Variants in LARGE1 observed in about 807,000 individuals in gnomAD.
LARGE1 encodes the protein LARGE xylosyl- and glucuronyltransferase 1, also known as xylosyl- and glucuronyltransferase LARGE1.
In LARGE1, 43 loss-of-function variants were observed where a neutral mutation model predicts 87.6. The observed-to-expected ratio is 0.49, with a 90% confidence interval of 0.38 to 0.63. The LOEUF is 0.63. Ranked by LOEUF, LARGE1 falls within the 30% of genes least tolerant of loss-of-function variation. LARGE1 has a pLI of 0.00. For synonymous variants in LARGE1, 434 were observed against 394.6 expected, an observed-to-expected ratio of 1.10 and a Z score of -1.18; for missense variants, 802 against 1,000.2, an observed-to-expected ratio of 0.80 and a Z score of 2.67.
intron 10 of LARGE1, among the ~76,000 whole-genome samples, chr22:33,334,495 G>C (rs1347490802): frequency 2.0e-5 from 3 of 152,056 alleles, no homozygotes; most frequent in Non-Finnish European, 4.4e-5. Flanking sequence ...TACTTTGTGT[G>C]GGGGTAGGGG....
At chr22:33,732,088 G>A (rs188599216) in intron 2 of LARGE1, among the ~76,000 whole-genome samples, 18 of 152,260 alleles carry the variant, frequency 1.2e-4, no homozygotes, top group African/African-American at 2.9e-4. Context: ...CAGGGCTTAC[G>A]GAAACAACAA....
At chr22:33,198,888 T>C (rs1259650916) in intron 11 of LARGE1, among the ~76,000 whole-genome samples, 2 of 152,162 alleles carry the variant, frequency 1.3e-5, no homozygotes, top group Non-Finnish European at 2.9e-5. Flanking sequence ...CTGAATTGAA[T>C]GATAGACTTT....
At chr22:33,496,075 T>A (rs1334236815) in intron 6 of LARGE1, among the ~76,000 whole-genome samples, 2 of 152,006 alleles carry the variant, frequency 1.3e-5, no homozygotes, top group Non-Finnish European at 2.9e-5. Flanking sequence ...CCAGTCCGAG[T>A]CCCAAAGCTG....
intron 6 of LARGE1, among the ~76,000 whole-genome samples, chr22:33,505,732 T>C (rs1298825958): frequency 6.6e-6 from 1 of 152,094 alleles, no homozygotes; most frequent in Non-Finnish European, 1.5e-5. Context: ...TTGGGTTAGG[T>C]GAGTGGCCAT....
chr22:33,484,840 G>T lies in LARGE1; in HGVS notation c.788-52575C>A, dbSNP rs544567888. 9.9e-5 allele frequency among the ~76,000 whole-genome samples: 15 copies of T among 151,364 alleles called. No homozygotes were observed. The South Asian group carries it at 3.1e-3, about 32-fold the overall frequency. On this transcript the variant is annotated intron_variant, in intron 6 of 14. Coordinates refer to ENST00000397394, the MANE Select transcript of LARGE1 (RefSeq NM_133642.5). ...TTATTGTCATTTTTGTGACACTATTGCCACAATTGTCACTATTGTCACTTA... is the reference window on the plus strand; with the variant it reads ...TTATTGTCATTTTTGTGACACTATTTCCACAATTGTCACTATTGTCACTTA...
At chr22:33,355,519 G>A (rs1423910940) in intron 9 of LARGE1, among the ~76,000 whole-genome samples, 7 of 152,074 alleles carry the variant, frequency 4.6e-5, no homozygotes, top group Non-Finnish European at 8.8e-5. Context: ...TGTCCCCTTC[G>A]TGATAACTGG....
chr22:33,683,563 G>A (rs1037497898), intron 2 of LARGE1, among the ~76,000 whole-genome samples: 3 of 151,888 alleles, frequency 2.0e-5, no homozygotes, highest in Non-Finnish European at 4.4e-5. Flanking sequence ...ACGGAAGGAC[G>A]GACAAACAGA....
chr22:33,441,105 G>A (rs1183578039), intron 6 of LARGE1, among the ~76,000 whole-genome samples: 2 of 65,614 alleles, frequency 3.0e-5, no homozygotes, highest in African/African-American at 1.9e-4. Flanking sequence ...AGGGAGTTTT[G>A]CTCTTGTCTC....
intron 7 of LARGE1, among the ~76,000 whole-genome samples, chr22:33,402,502 A>C (rs978020092): frequency 1.3e-5 from 2 of 152,154 alleles, no homozygotes; most frequent in Non-Finnish European, 2.9e-5. Flanking sequence ...GCAGCTGAGC[A>C]AAAAAATCAA....
chr22:33,909,583 T>C (rs1485863158), intron 1 of LARGE1, among the ~76,000 whole-genome samples: 2 of 152,020 alleles, frequency 1.3e-5, no homozygotes, highest in Non-Finnish European at 1.5e-5. Context: ...TCATCCAGGC[T>C]GGAGGAGTGC....
intron 6 of LARGE1, among the ~76,000 whole-genome samples, chr22:33,545,047 A>G (rs965023720): frequency 2.6e-5 from 4 of 152,226 alleles, no homozygotes; most frequent in Non-Finnish European, 4.4e-5. Context: ...ACACAAACAC[A>G]GTATATCATG....
intron 5 of LARGE1, among the ~76,000 whole-genome samples, chr22:33,579,523 A>T (rs1225436295): frequency 6.6e-6 from 1 of 152,202 alleles, no homozygotes; most frequent in Admixed American, 6.5e-5. Context: ...CCTGAGCAGG[A>T]GCCAAGTGGA....
the LARGE1 span, among the ~76,000 whole-genome samples, chr22:33,101,665 C>T: frequency 6.6e-6 from 1 of 152,140 alleles, no homozygotes; most frequent in East Asian, 1.9e-4. Flanking sequence ...AGATGGCACA[C>T]ATTTCTATGA....
intron 3 of LARGE1, among the ~76,000 whole-genome samples, chr22:33,633,260 T>C (rs1421560153): frequency 6.6e-6 from 1 of 152,090 alleles, no homozygotes; most frequent in African/African-American, 2.4e-5. Flanking sequence ...CTGGGTGTCT[T>C]TGCATCCCAG....
chr22:33,375,119 T>C (rs1357743314), intron 9 of LARGE1, among the ~76,000 whole-genome samples: 2 of 152,214 alleles, frequency 1.3e-5, no homozygotes, highest in South Asian at 2.1e-4. Context: ...TTGCATGAGA[T>C]TAAGTAACTG....
chr22:33,688,401 G>T (rs2082002939), intron 2 of LARGE1, among the ~76,000 whole-genome samples: 1 of 152,150 alleles, frequency 6.6e-6, no homozygotes, highest in Non-Finnish European at 1.5e-5. Context: ...ACCCAGGCTG[G>T]AATGCAATGG....
chr22:33,896,697 T>C (rs2065154282), intron 1 of LARGE1, among the ~76,000 whole-genome samples: 1 of 152,222 alleles, frequency 6.6e-6, no homozygotes, highest in African/African-American at 2.4e-5. Context: ...CTAGCGACAC[T>C]GATCCCTTCC....
rs144171711 is a variant in LARGE1 at position 33,778,690 on chromosome 22, G to A, written c.-82-17132C>T. 3.8e-3 allele frequency among the ~76,000 whole-genome samples: 570 copies of A among 151,902 alleles called. 5 individuals are homozygous for A. The highest frequency in any genetic ancestry group is 0.013 in the African/African-American group (541 of 41,428). ...TTTGGAGAAAGAGTCTCGCTCTGTC[G>A]CCCAGACTGGAGTGCAGTGGCGCAA... On this transcript the variant is annotated intron_variant, in intron 1 of 14. Transcript: ENST00000397394.
chr22:33,112,140 G>A, the LARGE1 span, among the ~76,000 whole-genome samples: 42 of 152,290 alleles, frequency 2.8e-4, no homozygotes, highest in African/African-American at 7.7e-4. Context: ...AGAATAGTTT[G>A]CAGGGGGTCA....
Sources: gnomAD v4.1 joint callset for allele counts (sites outside exome capture counted in the v4.1 genomes callset) on GRCh38, gnomAD v4.1.1 for gene constraint, MANE v1.5 for transcripts, NCBI Gene and HGNC (gene_info 2026-07-23, HGNC 2026-07-21) for gene names.